The following KSR2 variants were observed in gnomAD, a reference collection of about 807,000 sequenced individuals.
KSR2 encodes kinase suppressor of ras 2.
In KSR2, 25 loss-of-function variants were observed where a neutral mutation model predicts 107.8. That is an observed-to-expected ratio of 0.23 (90% CI 0.17 to 0.32). The LOEUF is 0.32. Among genes scored for constraint, KSR2 ranks in the 10% least tolerant of loss-of-function variants. KSR2 has a pLI of 1.00. For synonymous variants in KSR2, 480 were observed against 507.0 expected (o/e 0.95, Z 0.71); for missense variants, 887 against 1,268.9 (o/e 0.70, Z 4.57).
At chr12:117,912,828 T>C (rs1389565264) in intron 1 of KSR2, among the ~76,000 whole-genome samples, 3 of 152,138 alleles carry the variant, frequency 2.0e-5, no homozygotes, top group African/African-American at 7.2e-5. Context: ...TCGCAGCTCC[T>C]CCGATGTTGT....
intron 3 of KSR2, among the ~76,000 whole-genome samples, chr12:117,777,210 T>A (rs1889728695): frequency 6.8e-6 from 1 of 146,624 alleles, no homozygotes; most frequent in Admixed American, 7.0e-5. Flanking sequence ...TCATTAACAT[T>A]GAGCTCACAG....
chr12:117,753,324 A>G (rs1487218271), intron 4 of KSR2, among the ~76,000 whole-genome samples: 1 of 152,200 alleles, frequency 6.6e-6, no homozygotes, highest in Non-Finnish European at 1.5e-5. Context: ...GGAGAGGCAT[A>G]AACTATTGTA....
chr12:117,799,271 G>A (rs1031325986), intron 3 of KSR2, among the ~76,000 whole-genome samples: 1 of 152,190 alleles, frequency 6.6e-6, no homozygotes, highest in Non-Finnish European at 1.5e-5. Context: ...TGAGGCCAAG[G>A]TGGGCAGATC....
At chr12:117,695,726 A>C (rs1886028551) in intron 4 of KSR2, among the ~76,000 whole-genome samples, 2 of 152,002 alleles carry the variant, frequency 1.3e-5, no homozygotes, top group African/African-American at 4.8e-5. Context: ...AACAAAAAAA[A>C]AAACAAGAAA....
intron 8 of KSR2, among the ~76,000 whole-genome samples, chr12:117,557,420 A>C (rs2137345085): frequency 6.6e-6 from 1 of 152,168 alleles, no homozygotes; most frequent in Middle Eastern, 3.4e-3. Context: ...GTGCTTCTCA[A>C]CTTTAAGGTG....
intron 7 of KSR2, among the ~76,000 whole-genome samples, chr12:117,571,570 A>G (rs573049627): frequency 2.6e-5 from 4 of 152,276 alleles, no homozygotes; most frequent in African/African-American, 9.6e-5. Context: ...CTGGTCAAAG[A>G]GATCACTGGA....
chr12:117,895,101 C>G (rs1350007083), intron 1 of KSR2, among the ~76,000 whole-genome samples: 1 of 151,708 alleles, frequency 6.6e-6, no homozygotes, highest in East Asian at 1.9e-4. Flanking sequence ...TGTGGTGGCA[C>G]AAACCTGTGC....
intron 3 of KSR2, among the ~76,000 whole-genome samples, chr12:117,813,203 G>A (rs1891261672): frequency 6.6e-6 from 1 of 152,062 alleles, no homozygotes; most frequent in Non-Finnish European, 1.5e-5. Flanking sequence ...TAGGCAAAAG[G>A]CTTCAGAACA....
chr12:117,958,490 T>C (rs1896575444), intron 1 of KSR2, among the ~76,000 whole-genome samples: 1 of 152,084 alleles, frequency 6.6e-6, no homozygotes, highest in Non-Finnish European at 1.5e-5. Context: ...AATGTAAAAG[T>C]ATGAACATAA....
intron 4 of KSR2, among the ~76,000 whole-genome samples, chr12:117,710,065 T>C (rs749786928): frequency 5.3e-5 from 8 of 152,180 alleles, no homozygotes; most frequent in South Asian, 2.1e-4. Flanking sequence ...TGGCATCCCA[T>C]TGGTATTTGA....
chr12:117,880,628 G>A (rs1893994686), intron 1 of KSR2, among the ~76,000 whole-genome samples: 1 of 151,770 alleles, frequency 6.6e-6, no homozygotes, highest in African/African-American at 2.4e-5. Flanking sequence ...CTAGGCCAAG[G>A]ACGACCCAGA....
intron 2 of KSR2, among the ~76,000 whole-genome samples, chr12:117,859,943 C>A (rs1593313351): frequency 6.6e-6 from 1 of 152,338 alleles, no homozygotes; most frequent in Middle Eastern, 3.4e-3. Context: ...CATGTCCTAA[C>A]CACAAGTGGC....
chr12:117,646,208 T>C (rs2091317982), intron 5 of KSR2, among the ~76,000 whole-genome samples: 3 of 152,280 alleles, frequency 2.0e-5, no homozygotes, highest in South Asian at 2.1e-4. Context: ...ATTTTAGATC[T>C]GAAGTAGGTT....
At position 117,639,325 on chromosome 12, in the gene KSR2, CATT is replaced by C. The variant is rs971331095; in HGVS notation, c.1171+28146_1171+28148del. 5.9e-4 allele frequency among the ~76,000 whole-genome samples: 89 copies of C among 150,520 alleles called. 1 individual carries two copies. Among genetic ancestry groups the C allele is most frequent in the East Asian group, 3.9e-4 (2 of 5,154 alleles). On this transcript the variant is annotated intron_variant, in intron 5 of 19. Coordinates refer to ENST00000339824, the MANE Select transcript of KSR2 (RefSeq NM_173598.6). ...CACACTAGTTTATTATTATTATCAT[CATT>C]ATTATTATTATTATTACTAGAGACA...
chr12:117,962,227 AT>A (rs1427131486), intron 1 of KSR2, among the ~76,000 whole-genome samples: 1 of 150,204 alleles, frequency 6.7e-6, no homozygotes, highest in South Asian at 2.1e-4. Context: ...AACTCCTAAT[AT>A]TTTTTTCCCC....
At chr12:117,944,498 G>A (rs111730516) in intron 1 of KSR2, among the ~76,000 whole-genome samples, 3,853 of 152,162 alleles carry the variant, frequency 0.025, 182 homozygotes, top group Admixed American at 0.13. Context: ...TCATTCGATT[G>A]TACAGTTTAA....
At chr12:117,509,208 A>G (rs1484230626) in intron 14 of KSR2, among the ~76,000 whole-genome samples, 1 of 152,172 alleles carries the variant, frequency 6.6e-6, no homozygotes, top group Non-Finnish European at 1.5e-5. Context: ...GAAGGTTGAA[A>G]GGCTTGTCTA....
chr12:117,848,976 T>C (rs1892820237), intron 3 of KSR2, among the ~76,000 whole-genome samples: 1 of 152,194 alleles, frequency 6.6e-6, no homozygotes, highest in African/African-American at 2.4e-5. Flanking sequence ...CCCATCCTGC[T>C]GCTTAGGAAA....
At chr12:117,580,869 G>A (rs113533267) in intron 6 of KSR2, among the ~76,000 whole-genome samples, 6 of 152,078 alleles carry the variant, frequency 3.9e-5, no homozygotes, top group African/African-American at 1.4e-4. Flanking sequence ...GTGTGGCCGA[G>A]CCAAGGGCGT....
Sources: allele counts gnomAD v4.1 joint callset (sites outside exome capture counted in the v4.1 genomes callset), GRCh38; gene constraint gnomAD v4.1.1; transcripts MANE v1.5; gene names NCBI Gene and HGNC (gene_info 2026-07-23, HGNC 2026-07-21).